OLA1: variants seen among roughly 807,000 people sequenced by gnomAD.
The protein encoded by OLA1 is obg-like ATPase 1.
A neutral mutation model predicts 48.4 loss-of-function variants in OLA1; 14 were observed. The ratio of observed to expected loss-of-function variants is 0.29; its 90% CI spans 0.19 to 0.45. The LOEUF (loss-of-function observed/expected upper bound fraction) is 0.45, where lower values mean the gene tolerates loss of function less well. Ranked by LOEUF, OLA1 falls within the 20% of genes least tolerant of loss-of-function variation. The pLI, the probability that OLA1 is intolerant of heterozygous loss-of-function variation, is 1.00. For missense variants in OLA1, 325 were observed against 467.1 expected (o/e 0.70, Z 2.80); for synonymous variants, 127 against 150.4 (o/e 0.84, Z 1.14).
chr2:174,200,684 T>C (rs12992417), intron 4 of OLA1, among the ~76,000 whole-genome samples: 19,296 of 152,162 alleles, frequency 0.13, 1,441 homozygotes, highest in East Asian at 0.21. Context: ...GGTATCATTA[T>C]CTACCTTTGG....
intron 4 of OLA1, among the ~76,000 whole-genome samples, chr2:174,199,576 T>G (rs981964824): frequency 1.3e-5 from 2 of 152,234 alleles, no homozygotes; most frequent in Non-Finnish European, 2.9e-5. Context: ...TCTGTGGTGA[T>G]ATCAACAGAT....
chr2:174,093,420 C>T (rs1558949965), intron 7 of OLA1, among the ~76,000 whole-genome samples: 1 of 151,750 alleles, frequency 6.6e-6, no homozygotes, highest in African/African-American at 2.4e-5. Context: ...CCCATGATTG[C>T]ACCGCTGCAC....
chr2:174,098,692 G>A (rs1574480174), intron 7 of OLA1, among the ~76,000 whole-genome samples: 1 of 152,050 alleles, frequency 6.6e-6, no homozygotes, highest in Non-Finnish European at 1.5e-5. Context: ...TATAAATGGA[G>A]GTAATAATAG....
chr2:174,208,061 T>C (rs1223656359), intron 4 of OLA1, among the ~76,000 whole-genome samples: 1 of 152,208 alleles, frequency 6.6e-6, no homozygotes, highest in Non-Finnish European at 1.5e-5. Context: ...ACATTAAGGC[T>C]CATAAATACA....
At chr2:174,204,274 G>A (rs113882047) in intron 4 of OLA1, among the ~76,000 whole-genome samples, 2,492 of 152,046 alleles carry the variant, frequency 0.016, 65 homozygotes, top group African/African-American at 0.056. Flanking sequence ...GGTGGCGGGC[G>A]CCTGTAGTCC....
At chr2:174,106,122 G>A (rs1685509962) in intron 7 of OLA1, among the ~76,000 whole-genome samples, 1 of 151,966 alleles carries the variant, frequency 6.6e-6, no homozygotes, top group African/African-American at 2.4e-5. Flanking sequence ...TAGTTATAGT[G>A]TTTTACACAA....
intron 3 of OLA1, among the ~76,000 whole-genome samples, chr2:174,223,402 G>A (rs534885259): frequency 3.9e-5 from 6 of 152,110 alleles, no homozygotes; most frequent in East Asian, 3.9e-4. Flanking sequence ...TGTATTTATC[G>A]TGTTTCTGAA....
At chr2:174,210,665 G>A (rs1474682855) in intron 4 of OLA1, among the ~76,000 whole-genome samples, 3 of 151,974 alleles carry the variant, frequency 2.0e-5, no homozygotes, top group Admixed American at 1.3e-4. Context: ...CTACTATAAG[G>A]GAATGCTTTT....
chr2:174,125,273 C>T (rs1249534458), intron 5 of OLA1, among the ~76,000 whole-genome samples: 1 of 152,140 alleles, frequency 6.6e-6, no homozygotes, highest in African/African-American at 2.4e-5. Flanking sequence ...ACACTGGCCA[C>T]CTGCAAATTC....
intron 7 of OLA1, among the ~76,000 whole-genome samples, chr2:174,087,118 C>T (rs1349463031): frequency 6.7e-6 from 1 of 149,754 alleles, no homozygotes; most frequent in Non-Finnish European, 1.5e-5. Flanking sequence ...CCTCTGCCTC[C>T]CAGGTTCAAG....
intron 4 of OLA1, among the ~76,000 whole-genome samples, chr2:174,198,653 C>A (rs563384050): frequency 6.6e-6 from 1 of 152,024 alleles, no homozygotes; most frequent in East Asian, 1.9e-4. Flanking sequence ...TGGCAGTGGG[C>A]ACCTGTAATC....
chr2:174,151,756 A>G (rs763438867), intron 4 of OLA1, among the ~76,000 whole-genome samples: 4 of 152,350 alleles, frequency 2.6e-5, no homozygotes, highest in Admixed American at 6.5e-5. Flanking sequence ...TTCATTTAAT[A>G]TCTATAGTTT....
chr2:174,164,717 G>T (rs1470878911), intron 4 of OLA1, among the ~76,000 whole-genome samples: 1 of 152,068 alleles, frequency 6.6e-6, no homozygotes, highest in East Asian at 1.9e-4. Context: ...GTAGAGATTT[G>T]TTGTTCAGGC....
intron 6 of OLA1, 69 bp downstream of exon 6, chr2:174,123,526 C>T: frequency 2.2e-6 from 2 of 905,824 alleles, no homozygotes; most frequent in East Asian, 2.6e-5. Flanking sequence ...AAAATAACAA[C>T]AACTCTAATT....
chr2:174,223,240 A>T, intron 3 of OLA1, 80 bp from the exon 4 acceptor site: 5 of 1,341,294 alleles, frequency 3.7e-6, no homozygotes, highest in Non-Finnish European at 5.3e-6. Context: ...CAAACATTTC[A>T]CATAAATTCT....
rs560574588 is a variant in OLA1, at chr2:174,173,186, C to T, written c.374-31186G>A. ...TCTAAACCACAAGACAGCAAAGTGG[C>T]GAAAAACATCAGATCCACCAGCAGA... On this transcript the variant is annotated intron_variant, in intron 4 of 10. Coordinates refer to ENST00000284719, the MANE Select transcript of OLA1 (RefSeq NM_013341.5). Among the ~76,000 whole-genome samples the T allele has an allele frequency of 9.2e-5, 14 of 152,210 alleles. No individual in the cohort carries two copies. The East Asian group carries it at 9.7e-4, about 11-fold the overall frequency.
intron 7 of OLA1, among the ~76,000 whole-genome samples, chr2:174,086,254 T>C (rs1400219005): frequency 6.6e-6 from 1 of 152,062 alleles, no homozygotes; most frequent in Non-Finnish European, 1.5e-5. Flanking sequence ...CAGGGAGGGG[T>C]ATTTTTCTAG....
chr2:174,228,061 AT>A (rs1347390387), intron 3 of OLA1, among the ~76,000 whole-genome samples: 1 of 152,142 alleles, frequency 6.6e-6, no homozygotes, highest in Non-Finnish European at 1.5e-5. Context: ...CTAAAGAAGA[AT>A]TTGGTGCAAG....
At chr2:174,141,687 C>T (rs1200084593) in intron 5 of OLA1, 138 bp downstream of exon 5, 4 of 716,562 alleles carry the variant, frequency 5.6e-6, no homozygotes, top group Non-Finnish European at 8.8e-6. Flanking sequence ...AGTTCCTTAA[C>T]AATTTTTTTT....
Sources: gnomAD v4.1 joint callset for allele counts (sites outside exome capture counted in the v4.1 genomes callset) on GRCh38, gnomAD v4.1.1 for gene constraint, MANE v1.5 for transcripts, NCBI Gene and HGNC (gene_info 2026-07-23, HGNC 2026-07-21) for gene names.